TENM2: variants seen among roughly 807,000 people sequenced by gnomAD.
TENM2 encodes teneurin-2.
A neutral mutation model predicts 245.2 loss-of-function variants in TENM2; 52 were observed. The observed-to-expected ratio is 0.21, with a 90% CI of 0.17 to 0.27. The LOEUF is 0.27. TENM2 is among the 10% of genes least tolerant of loss of function. TENM2 has a pLI of 1.00. For missense variants in TENM2, 3,046 were observed against 3,666.8 expected (o/e 0.83, Z 4.37); for synonymous variants, 1,363 against 1,438.9 (o/e 0.95, Z 1.19).
chr5:167,735,941 A>G (rs1760766711), intron 2 of TENM2, among the ~76,000 whole-genome samples: 1 of 152,160 alleles, frequency 6.6e-6, no homozygotes, highest in African/African-American at 2.4e-5. Context: ...TAGCATATAC[A>G]ATCTAGGGGG....
chr5:167,287,956 G>A (rs1178024634), intron 1 of TENM2: 3 of 152,186 alleles, frequency 2.0e-5, no homozygotes, highest in Non-Finnish European at 2.9e-5. Context: ...GTGAGCAGTG[G>A]TCTGATCCCT....
intron 2 of TENM2, among the ~76,000 whole-genome samples, chr5:167,756,568 C>A (rs967151406): frequency 6.6e-6 from 1 of 152,114 alleles, no homozygotes; most frequent in African/African-American, 2.4e-5. Flanking sequence ...AGGAGGAAAT[C>A]CCCTCATCCT....
the TENM2 span, among the ~76,000 whole-genome samples, chr5:167,049,375 T>A: frequency 6.6e-6 from 1 of 152,236 alleles, no homozygotes; most frequent in African/African-American, 2.4e-5. Context: ...TCCTAAAATT[T>A]ATTTTTTTAA....
chr5:167,624,660 T>A (rs769642865), intron 2 of TENM2, among the ~76,000 whole-genome samples: 1 of 152,196 alleles, frequency 6.6e-6, no homozygotes, highest in Non-Finnish European at 1.5e-5. Flanking sequence ...ACAAAAATCC[T>A]GACATATAAC....
intron 12 of TENM2, 138 bp from the exon 15 acceptor site, chr5:168,162,473 G>T: frequency 1.2e-6 from 1 of 829,242 alleles, no homozygotes; most frequent in Non-Finnish European, 1.9e-6. Context: ...CCCTGACTCT[G>T]TGGAAGGCAG....
chr5:167,640,886 T>TATATA (rs1779551432), intron 2 of TENM2, among the ~76,000 whole-genome samples: 2 of 75,904 alleles, frequency 2.6e-5, no homozygotes, highest in South Asian at 8.6e-4. Context: ...TATATATATA[T>TATATA]ATATATATAT....
intron 2 of TENM2, among the ~76,000 whole-genome samples, chr5:167,817,117 G>A (rs1411186231): frequency 6.6e-6 from 1 of 152,158 alleles, no homozygotes; most frequent in African/African-American, 2.4e-5. Context: ...TTGTTCAGGT[G>A]TTTTGACAGG....
At chr5:167,130,499 C>G in the TENM2 span, among the ~76,000 whole-genome samples, 1 of 152,192 alleles carries the variant, frequency 6.6e-6, no homozygotes, top group East Asian at 1.9e-4. Flanking sequence ...GGAGCATTCA[C>G]TCAACGTCCC....
chr5:168,172,753 C>G (rs1158058629), intron 13 of TENM2, among the ~76,000 whole-genome samples: 1 of 152,202 alleles, frequency 6.6e-6, no homozygotes. Context: ...CCACAAAGCA[C>G]TTAGGCACTG....
chr5:167,272,437 G>A, the TENM2 span, among the ~76,000 whole-genome samples: 1 of 152,094 alleles, frequency 6.6e-6, no homozygotes, highest in Non-Finnish European at 1.5e-5. Context: ...GTTATCAGAA[G>A]GAAGACAGGT....
intron 3 of TENM2, among the ~76,000 whole-genome samples, chr5:167,884,766 A>G (rs1343929193): frequency 2.6e-5 from 4 of 152,200 alleles, no homozygotes; most frequent in Non-Finnish European, 5.9e-5. Flanking sequence ...TTTTGGATGT[A>G]TAACCAAAAG....
At chr5:167,401,124 CAA>C (rs777930863) in intron 2 of TENM2, among the ~76,000 whole-genome samples, 1 of 151,964 alleles carries the variant, frequency 6.6e-6, no homozygotes, top group Admixed American at 6.6e-5. Context: ...CAAAACCTAA[CAA>C]AGAGGAGGGT....
At chr5:167,988,981 T>C (rs1783450881) in intron 4 of TENM2, among the ~76,000 whole-genome samples, 1 of 152,204 alleles carries the variant, frequency 6.6e-6, no homozygotes, top group Non-Finnish European at 1.5e-5. Context: ...CTTCTTATCT[T>C]TACCGTGTTG....
At chr5:167,350,653 G>GGATACATATATGGAT (rs1758797719) in intron 1 of TENM2, among the ~76,000 whole-genome samples, 3 of 131,868 alleles carry the variant, frequency 2.3e-5, no homozygotes, top group African/African-American at 8.6e-5. Flanking sequence ...TACGTATATG[G>GGATACATATATGGAT]ATATATATAT....
At chr5:167,853,277 G>A (rs1196910020) in intron 2 of TENM2, among the ~76,000 whole-genome samples, 4 of 43,018 alleles carry the variant, frequency 9.3e-5, no homozygotes, top group East Asian at 3.9e-4. Flanking sequence ...GAGACAGAGC[G>A]AGACTCCGTC....
intron 25 of TENM2, among the ~76,000 whole-genome samples, chr5:168,230,277 C>CTCT (rs1764732336): frequency 1.3e-5 from 2 of 152,294 alleles, no homozygotes; most frequent in Admixed American, 1.3e-4. Flanking sequence ...CCATTTAGCT[C>CTCT]TCTTAAATGA....
intron 2 of TENM2, among the ~76,000 whole-genome samples, chr5:167,528,484 A>G (rs1771267976): frequency 6.6e-6 from 1 of 152,084 alleles, no homozygotes; most frequent in Non-Finnish European, 1.5e-5. Flanking sequence ...TTTAAACTTG[A>G]CATATAATAG....
intron 2 of TENM2, among the ~76,000 whole-genome samples, chr5:167,406,970 A>G (rs1361403190): frequency 4.6e-5 from 7 of 152,304 alleles, no homozygotes; most frequent in Non-Finnish European, 2.9e-5. Flanking sequence ...TTAATAGAAA[A>G]TAAGGTGTTT....
In TENM2 at chr5:167,311,396, G is replaced by A. The variant is rs183264678; in HGVS notation, c.226+26333G>A. Among the ~76,000 whole-genome samples, 16 of 152,196 alleles carry A rather than the reference G, an allele frequency of 1.1e-4. 1 individual carries two copies. Among genetic ancestry groups the A allele is most frequent in the Admixed American group, 3.9e-4 (6 of 15,280 alleles). On this transcript the variant is annotated intron_variant, in intron 1 of 28. Transcript: ENST00000518659. Reference sequence around the variant, plus strand: ...ATTTCCCAGCCTTTGAGTTGTTTGTGTGTATGTGGAATGTATTTTCAAAAT... The same window carrying A: ...ATTTCCCAGCCTTTGAGTTGTTTGTATGTATGTGGAATGTATTTTCAAAAT...
Sources: gnomAD v4.1 joint callset for allele counts (sites outside exome capture counted in the v4.1 genomes callset) on GRCh38, gnomAD v4.1.1 for gene constraint, MANE v1.5 for transcripts, NCBI Gene and HGNC (gene_info 2026-07-23, HGNC 2026-07-21) for gene names.